Variants in CTRB2 observed in about 807,000 individuals in gnomAD.
CTRB2 encodes the protein chymotrypsinogen B2, also known as chymotrypsin B2.
A neutral mutation model predicts 19.3 loss-of-function variants in CTRB2; 9 were observed. The ratio of observed to expected loss-of-function variants is 0.47; its 90% CI spans 0.28 to 0.81. The LOEUF is 0.81. Among genes scored for constraint, CTRB2 ranks in the 40% least tolerant of loss-of-function variants. CTRB2 has a pLI of 0.11. For missense variants in CTRB2, 210 were observed against 269.7 expected (o/e 0.78, Z 1.55); for synonymous variants, 98 against 117.3 (o/e 0.84, Z 1.06).
intron 6 of CTRB2, 57 bp from the exon 7 acceptor site, chr16:75,204,379 AC>A: frequency 6.5e-7 from 1 of 1,538,896 alleles, no homozygotes; most frequent in African/African-American, 1.4e-5. Flanking sequence ...GGCCTAGGGG[AC>A]CCTGACCTGG....
intron 1 of CTRB2, chr16:75,206,631 T>C: frequency 3.3e-6 from 1 of 301,134 alleles, no homozygotes; most frequent in Non-Finnish European, 6.3e-6. Context: ...GCTCTGCGCC[T>C]GGCACCCGGG....
At chr16:75,206,962 T>C in intron 1 of CTRB2, 128 bp downstream of exon 1, 1 of 886,190 alleles carries the variant, frequency 1.1e-6, no homozygotes, top group South Asian at 1.4e-5. Flanking sequence ...ATGGAGCCGG[T>C]GACTCGCCCA....
chr16:75,206,806 A>ACCTGCCTCCTCCCCCCGCCTC, intron 1 of CTRB2: 1 of 475,234 alleles, frequency 2.1e-6, no homozygotes, highest in East Asian at 4.0e-5. Context: ...GCCCCCGGAC[A>ACCTGCCTCCTCCCCCCGCCTC]CCTGCCTCCT....
At position 75,207,147 on chromosome 16, in the gene CTRB2, C is replaced by A. The variant is rs764083507; in HGVS notation, c.-6G>T. The A allele has an allele frequency of 5.8e-6, 9 of 1,556,986 alleles. No homozygotes were observed. Among genetic ancestry groups the A allele is most frequent in the Non-Finnish European group, 7.8e-6 (9 of 1,149,460 alleles). ...AGGAGCCAGAGGAAAGCCATGGTGC[C>A]GCTGGCAGGGGTGTAGGACGCCTGT... On this transcript the variant is annotated 5_prime_UTR_variant, in exon 1 of 7. Transcript: ENST00000303037.
Position 75,204,203 on chromosome 16 carries a change from G to A in CTRB2, c.750C>T (p.Ala250=), listed in dbSNP as rs2038866102. ...TCTTCTGCACCCAGGGTATGAGCTT[G>A]GCGACACGGGCGTACACAGCGGGCG... ...TTTPAVYARV[A]KLIPWVQKIL... Residue 250 remains alanine, a synonymous_variant, in exon 7 of 7, where the codon GCC becomes GCT. Transcript: ENST00000303037. The A allele has an allele frequency of 6.2e-7, 1 of 1,614,134 alleles. No individual in the cohort carries two copies. Among genetic ancestry groups the A allele is most frequent in the Non-Finnish European group, 8.5e-7 (1 of 1,180,000 alleles).
chr16:75,204,791 A>G lies in CTRB2; in HGVS notation c.612T>C (p.Ser204=). 1 of 1,436,440 alleles carries G rather than the reference A, an allele frequency of 7.0e-7. No individual in the cohort carries two copies. Among genetic ancestry groups the G allele is most frequent in the Non-Finnish European group, 9.4e-7 (1 of 1,062,148 alleles). 89.0% of individuals were successfully genotyped at this position (1,436,440 alleles called of 1,614,324 possible). A position where few individuals can be genotyped will look rare whatever the true frequency, so the allele number is the denominator to read the frequency against. ...ITDVMICAGA[S]GVSSCMGDSG... is the part of the protein sequence containing the mutation. ...GCCTCACCATGCAGGAGGAGACGCC[A>G]CTGGCCCCGGCACAGATCATCACGT... Residue 204 remains serine (S), a synonymous_variant, in exon 6 of 7, where the codon AGT becomes AGC. Transcript: ENST00000303037.
Position 75,204,971 on chromosome 16 carries a change from G to A in CTRB2, c.497-65C>T, listed in dbSNP as rs1376995499. 7.2e-5 allele frequency: 39 copies of A among 538,546 alleles called. 1 individual carries two copies. Among genetic ancestry groups the A allele is most frequent in the Non-Finnish European group, 1.1e-4 (38 of 332,550 alleles). The allele number at this position is 538,546 out of a possible 1,614,324, so 33.4% of individuals were successfully genotyped here. ...CAGCCAAGAGTGGAGGGAGAGACCCGGGGCCGACACGCCTGCCCTACCCTG... is the reference window on the plus strand; with the variant it reads ...CAGCCAAGAGTGGAGGGAGAGACCCAGGGCCGACACGCCTGCCCTACCCTG... On this transcript the variant is annotated intron_variant, in intron 5 of 6. Transcript: ENST00000303037.
In CTRB2 at chr16:75,207,101, C is replaced by A; in HGVS notation, c.41G>T (p.Gly14Val). ...LWLLSCWALL[G>V]TTFGCGVPAI... Reference sequence around the variant, plus strand: ...GGCCTGGCACTCACCGAAGGTGGTACCCAGGAGGGCCCAGCAGGAGAGGAG... The same window carrying A: ...GGCCTGGCACTCACCGAAGGTGGTAACCAGGAGGGCCCAGCAGGAGAGGAG... Residue 14 changes from glycine to valine, a missense_variant, in exon 1 of 7, where the codon GGT becomes GTT. By Grantham distance (109) the Gly-to-Val change is moderately radical (BLOSUM62 -3). Around this residue, in one of 4 missense-constraint regions of CTRB2, gnomAD observed 57 missense variants for 72.6 expected, o/e 0.79. Coordinates refer to ENST00000303037, the MANE Select transcript of CTRB2 (RefSeq NM_001025200.4). The A allele has an allele frequency of 6.4e-7, 1 of 1,556,896 alleles. No homozygotes were observed. Among genetic ancestry groups the A allele is most frequent in the Non-Finnish European group, 8.7e-7 (1 of 1,149,418 alleles).
chr16:75,204,459 C>G (rs1042807962), intron 6 of CTRB2, 137 bp from the exon 7 acceptor site: 5 of 974,266 alleles, frequency 5.1e-6, no homozygotes, highest in African/African-American at 4.9e-5. Context: ...GTCCTGAGAT[C>G]TGGGTTCACA....
chr16:75,207,157 G>A lies in CTRB2; in HGVS notation c.-16C>T, dbSNP rs2151364223. The A allele has an allele frequency of 6.4e-7, 1 of 1,554,898 alleles. No homozygotes were observed. Among genetic ancestry groups the A allele is most frequent in the East Asian group, 2.4e-5 (1 of 41,850 alleles). On this transcript the variant is annotated 5_prime_UTR_variant, in exon 1 of 7. Coordinates refer to ENST00000303037, the MANE Select transcript of CTRB2 (RefSeq NM_001025200.4). Reference sequence around the variant, plus strand: ...GGAAAGCCATGGTGCCGCTGGCAGGGGTGTAGGACGCCTGTCTGCCGGTCC... The same window carrying A: ...GGAAAGCCATGGTGCCGCTGGCAGGAGTGTAGGACGCCTGTCTGCCGGTCC...
In CTRB2 at chr16:75,206,915, G is replaced by A. The variant is rs188985878; in HGVS notation, c.52+175C>T. 4.1e-4 allele frequency: 264 copies of A among 642,878 alleles called. 2 individuals are homozygous for A. The highest frequency in any genetic ancestry group is 2.0e-4 in the Non-Finnish European group (73 of 356,744). The allele number at this position is 642,878 out of a possible 1,614,324, so 39.8% of individuals were successfully genotyped here. A position where few individuals can be genotyped will look rare whatever the true frequency, so the allele number is the denominator to read the frequency against. On this transcript the variant is annotated intron_variant, in intron 1 of 6. Transcript: ENST00000303037. The stretch of plus-strand genomic sequence containing the variant: ...AGCTCAGAGGCGGCAGCTGAGCCTG[G>A]GAGGGAGGCATTGACCTCTCAGCGC...
In CTRB2 at chr16:75,204,802, C is replaced by T; in HGVS notation, c.601G>A (p.Ala201Thr). ...GRRITDVMIC[A>T]GASGVSSCMG... ...CAGGAGGAGACGCCACTGGCCCCGG[C>T]ACAGATCATCACGTCGGTGATCCTC... Residue 201 changes from alanine to threonine, a missense_variant, in exon 6 of 7, where the codon GCC (alanine) becomes ACC (threonine). Physicochemically the swap from Ala to Thr is moderately conservative, Grantham distance 58. This residue lies in a region of CTRB2 where 120 missense variants were observed against 90.8 expected (regional missense o/e 1.32). Transcript: ENST00000303037. 1 of 1,435,050 alleles carries T rather than the reference C, an allele frequency of 7.0e-7. No individual in the cohort carries two copies. The allele number at this position is 1,435,050 out of a possible 1,614,324, so 88.9% of individuals were successfully genotyped here.
At chr16:75,206,365 T>A in intron 1 of CTRB2, 172 bp from the exon 2 acceptor site, 1 of 668,870 alleles carries the variant, frequency 1.5e-6, no homozygotes, top group Non-Finnish European at 2.5e-6. Flanking sequence ...AATCCCCAGG[T>A]ACAACTGAGT....
At chr16:75,206,714 G>A (rs2151363435) in intron 1 of CTRB2, 1 of 373,420 alleles carries the variant, frequency 2.7e-6, no homozygotes, top group South Asian at 2.4e-5. Flanking sequence ...ACGGTGCCAA[G>A]CCCCAGCTGC....
At position 75,204,387 on chromosome 16, in the gene CTRB2, C is replaced by G. The variant is rs138409831; in HGVS notation, c.631-65G>C. ...GTGCCAGGGCCTAGGGGACCCTGACCTGGTGGAGTCTAGGGAGGGGTGCGG... is the reference window on the plus strand; with the variant it reads ...GTGCCAGGGCCTAGGGGACCCTGACGTGGTGGAGTCTAGGGAGGGGTGCGG... On this transcript the variant is annotated intron_variant, in intron 6 of 6. Coordinates refer to ENST00000303037, the MANE Select transcript of CTRB2 (RefSeq NM_001025200.4). 1.4e-5 allele frequency: 21 copies of G among 1,491,076 alleles called. No individual in the cohort carries two copies. In the East Asian group the frequency reaches 4.6e-4, roughly 33 times the overall value. 92.4% of individuals were successfully genotyped at this position (1,491,076 alleles called of 1,614,324 possible). A position where few individuals can be genotyped will look rare whatever the true frequency, so the allele number is the denominator to read the frequency against.
At chr16:75,206,591 G>C (rs865795711) in intron 1 of CTRB2, 16 of 322,706 alleles carry the variant, frequency 5.0e-5, no homozygotes, top group Middle Eastern at 9.1e-4. Context: ...TGACCTCACA[G>C]GTTTGGTAGA....
chr16:75,204,634 G>A lies in CTRB2; in HGVS notation c.630+139C>T, dbSNP rs909679544. On this transcript the variant is annotated intron_variant, in intron 6 of 6. Coordinates refer to ENST00000303037, the MANE Select transcript of CTRB2 (RefSeq NM_001025200.4). Reference sequence around the variant, plus strand: ...ATGGCCTGGAGGAACCCTCATGGGCGGCTGTGACCCCAAGGCCTGGCCCTC... The same window carrying A: ...ATGGCCTGGAGGAACCCTCATGGGCAGCTGTGACCCCAAGGCCTGGCCCTC... The A allele has an allele frequency of 1.9e-4, 277 of 1,489,862 alleles. 1 individual carries two copies. Among genetic ancestry groups the A allele is most frequent in the Admixed American group, 6.2e-4 (30 of 48,156 alleles). The allele number at this position is 1,489,862 out of a possible 1,614,324, so 92.3% of individuals were successfully genotyped here.
In CTRB2 at chr16:75,207,019, G is replaced by A. The variant is rs1050770070; in HGVS notation, c.52+71C>T. The stretch of plus-strand genomic sequence containing the variant: ...CTGAACTGGGAGCTGGGACCCTGCT[G>A]CCTCTTGCTGGCCTCGGGGCTGGGA... On this transcript the variant is annotated intron_variant, in intron 1 of 6. Coordinates refer to ENST00000303037, the MANE Select transcript of CTRB2 (RefSeq NM_001025200.4). The A allele has an allele frequency of 7.8e-6, 11 of 1,409,678 alleles. No homozygotes were observed. The East Asian group carries it at 2.2e-4, about 29-fold the overall frequency. 87.3% of individuals were successfully genotyped at this position (1,409,678 alleles called of 1,614,324 possible).
chr16:75,206,239 C>G (rs1000012029), intron 1 of CTRB2, 46 bp from the exon 2 acceptor site: 4 of 1,522,394 alleles, frequency 2.6e-6, no homozygotes, highest in African/African-American at 1.4e-5. Context: ...CCACCCAGGT[C>G]CTAATGCTCC....
Sources: gnomAD v4.1 joint callset for allele counts on GRCh38, gnomAD v4.1.1 for gene constraint, gnomAD v4.1.1 regional missense constraint, MANE v1.5 for transcripts, NCBI Gene and HGNC (gene_info 2026-07-23, HGNC 2026-07-21) for gene names.